COL6A1: variants seen among roughly 807,000 people sequenced by gnomAD.
The protein encoded by COL6A1 is collagen alpha-1(VI) chain.
A neutral mutation model predicts 145.6 loss-of-function variants in COL6A1; 80 were observed. The observed-to-expected ratio is 0.55, with a 90% CI of 0.46 to 0.66. The LOEUF is 0.66. Ranked by LOEUF, COL6A1 falls within the 30% of genes least tolerant of loss-of-function variation. COL6A1 has a pLI of 0.00. For missense variants in COL6A1, 1,364 were observed against 1,473.8 expected, an observed-to-expected ratio of 0.93 and a Z score of 1.22; for synonymous variants, 638 against 622.8, an observed-to-expected ratio of 1.02 and a Z score of -0.36.
At chr21:45,989,831 C>T in intron 11 of COL6A1, 53 bp downstream of exon 11, 2 of 1,610,508 alleles carry the variant, frequency 1.2e-6, no homozygotes, top group Non-Finnish European at 1.7e-6. Flanking sequence ...ATGTGCCATC[C>T]TGGACGAGGG....
Position 46,002,657 on chromosome 21 carries a change from C to T in COL6A1, c.2381C>T (p.Ala794Val), listed in dbSNP as rs2077854094. The part of the protein sequence containing the change: ...PGLSLVKENY[A>V]ELLEDAFLKN... ...CTCTCGCTGGTCAAGGAGAACTATGCAGAGCTGCTGGAGGATGCCTTCCTG... is the reference window on the plus strand; with the variant it reads ...CTCTCGCTGGTCAAGGAGAACTATGTAGAGCTGCTGGAGGATGCCTTCCTG... The change falls in exon 33 of 35, where the codon GCA becomes GTA. Residue 794 changes from alanine (A) to valine (V), a missense_variant. Ala to Val is a moderately conservative substitution (Grantham distance 64). Around this residue, in one of 3 missense-constraint regions of COL6A1, gnomAD observed 938 missense variants for 1,003.8 expected, o/e 0.93. Coordinates refer to ENST00000361866, the MANE Select transcript of COL6A1 (RefSeq NM_001848.3). 6.2e-7 allele frequency: 1 copy of T among 1,613,806 alleles called. No homozygotes were observed. Among genetic ancestry groups the T allele is most frequent in the Admixed American group, 1.7e-5 (1 of 60,014 alleles).
intron 22 of COL6A1, 138 bp from the exon 23 acceptor site, chr21:45,997,983 A>G: frequency 8.3e-7 from 1 of 1,200,754 alleles, no homozygotes; most frequent in Non-Finnish European, 1.2e-6. Context: ...GGGGACCAGC[A>G]GGGTGGCCCC....
At chr21:45,987,573 T>G (rs1251180551) in intron 7 of COL6A1, 37 bp from the exon 8 acceptor site, 1 of 1,612,562 alleles carries the variant, frequency 6.2e-7, no homozygotes, top group Admixed American at 1.7e-5. Flanking sequence ...GGAACCTGAG[T>G]CTGGGGTCCT....
At position 45,994,418 on chromosome 21, in the gene COL6A1, G is replaced by A. The variant is rs1340859421; in HGVS notation, c.1398+189G>A. On this transcript the variant is annotated intron_variant, in intron 20 of 34. Coordinates refer to ENST00000361866, the MANE Select transcript of COL6A1 (RefSeq NM_001848.3). This position sits in a 1 kb window ranked among gnomAD's most constrained non-coding sequence, Gnocchi z 6.8. ...GAGGCGCGGCCTGGGCCGGGCTGGT[G>A]TGGATTGTTGAGAGCAGGCCCAGCG... is the stretch of plus-strand genomic sequence containing the variant. Among the ~76,000 whole-genome samples, 1 of 152,134 alleles carries A rather than the reference G, an allele frequency of 6.6e-6. No individual in the cohort carries two copies. Among genetic ancestry groups the A allele is most frequent in the Non-Finnish European group, 1.5e-5 (1 of 68,006 alleles).
At chr21:45,998,210 AG>A (rs1043798804) in intron 23 of COL6A1, 39 bp downstream of exon 23, 1 of 1,607,086 alleles carries the variant, frequency 6.2e-7, no homozygotes, top group African/African-American at 1.3e-5. Context: ...AACATGCCCA[AG>A]CTGCCTGCGG....
chr21:46,001,122 G>A, intron 29 of COL6A1, 131 bp from the exon 30 acceptor site: 3 of 1,309,800 alleles, frequency 2.3e-6, no homozygotes, highest in South Asian at 1.4e-5. Context: ...GCTTTTCTGG[G>A]GCTGAGACGG....
At chr21:45,999,798 G>C in intron 27 of COL6A1, 106 bp downstream of exon 27, 1 of 937,330 alleles carries the variant, frequency 1.1e-6, no homozygotes, top group East Asian at 3.3e-5. Context: ...CTCACGGGGG[G>C]GTGGGTTGTG....
At position 46,000,739 on chromosome 21, in the gene COL6A1, AC is replaced by A. The variant is rs1340597175; in HGVS notation, c.1814-19del. On this transcript the variant is annotated intron_variant, in intron 28 of 34. Coordinates refer to ENST00000361866, the MANE Select transcript of COL6A1 (RefSeq NM_001848.3). Reference sequence around the variant, plus strand: ...GACGCGGCCCTGACTGGTCTAACTGACTCTTTCTCTTCTCCTCAGCTTGCTG... The same window carrying A: ...GACGCGGCCCTGACTGGTCTAACTGATCTTTCTCTTCTCCTCAGCTTGCTG... 1 of 1,613,328 alleles carries A rather than the reference AC, an allele frequency of 6.2e-7. No homozygotes were observed. The highest frequency in any genetic ancestry group is 2.2e-5 in the East Asian group (1 of 44,844).
At chr21:45,984,800 A>G (rs2077728526) in intron 3 of COL6A1, among the ~76,000 whole-genome samples, 1 of 152,104 alleles carries the variant, frequency 6.6e-6, no homozygotes, top group Non-Finnish European at 1.5e-5. Context: ...ACACAGAGAG[A>G]GACACAGAGA....
At chr21:45,990,318 C>T (rs1328384558) in intron 12 of COL6A1, 34 bp downstream of exon 12, 1 of 1,612,684 alleles carries the variant, frequency 6.2e-7, no homozygotes, top group African/African-American at 1.3e-5. Flanking sequence ...GGGAGTTCTG[C>T]CCCCACGGCA....
chr21:45,984,155 C>T (rs987228833), intron 2 of COL6A1, 114 bp from the exon 3 acceptor site: 31 of 1,074,128 alleles, frequency 2.9e-5, no homozygotes, highest in Non-Finnish European at 4.0e-5. Flanking sequence ...AGCTGTGTGT[C>T]AGCCACGGCC....
Position 45,989,729 on chromosome 21 carries a change from CTCT to C in COL6A1, c.904-17_904-15del. ...ACAGCACTAACAAGCCTTCCTCTTCCTCTTCTTCCGCTGGGTGTGTAGGGAGAA... is the reference window on the plus strand; with the variant it reads ...ACAGCACTAACAAGCCTTCCTCTTCCTCTTCCGCTGGGTGTGTAGGGAGAA... On this transcript the variant is annotated intron_variant, in intron 10 of 34. Coordinates refer to ENST00000361866, the MANE Select transcript of COL6A1 (RefSeq NM_001848.3). 1.9e-6 allele frequency: 3 copies of C among 1,613,064 alleles called. No individual in the cohort carries two copies. The East Asian group carries it at 6.7e-5, about 36-fold the overall frequency.
rs1022161779 is a variant in COL6A1, at chr21:45,999,524, G to C, written c.1741-133G>C. 6.5e-5 allele frequency: 65 copies of C among 997,170 alleles called. 1 individual carries two copies. Among genetic ancestry groups the C allele is most frequent in the Non-Finnish European group, 9.8e-5 (64 of 651,964 alleles). The allele number at this position is 997,170 out of a possible 1,614,324, so 61.8% of individuals were successfully genotyped here. On this transcript the variant is annotated intron_variant, in intron 26 of 34. Coordinates refer to ENST00000361866, the MANE Select transcript of COL6A1 (RefSeq NM_001848.3). ...CACAGCACCGTCACTGGAGGACGAG[G>C]GGCTGGGTAGGGAGGGACCGGGCAG...
rs1482290883 is a variant in COL6A1 at position 46,002,912 on chromosome 21, CA to C, written c.2434+203del. Reference sequence around the variant, plus strand: ...CAGGGCTGTCCCAGAGGCCTCCTCCCAGCTCACTGTTACCTCCAGGGGCACG... The same window carrying C: ...CAGGGCTGTCCCAGAGGCCTCCTCCCGCTCACTGTTACCTCCAGGGGCACG... On this transcript the variant is annotated intron_variant, in intron 33 of 34. Coordinates refer to ENST00000361866, the MANE Select transcript of COL6A1 (RefSeq NM_001848.3). Among the ~76,000 whole-genome samples, 5 of 150,594 alleles carry C rather than the reference CA, an allele frequency of 3.3e-5. No individual in the cohort carries two copies. The East Asian group carries it at 9.8e-4, about 30-fold the overall frequency.
intron 29 of COL6A1, 101 bp from the exon 30 acceptor site, chr21:46,001,152 G>C: frequency 6.7e-7 from 1 of 1,502,648 alleles, no homozygotes; most frequent in Non-Finnish European, 9.0e-7. Flanking sequence ...AACGTGTCAG[G>C]TGAGGATGTG....
rs2077873057 is a variant in COL6A1 at position 46,004,988 on chromosome 21, G to A, written c.*975G>A. The A allele has an allele frequency of 6.5e-6, 1 of 153,426 alleles. No individual in the cohort carries two copies. Among genetic ancestry groups the A allele is most frequent in the Admixed American group, 6.5e-5 (1 of 15,318 alleles). The allele number at this position is 153,426 out of a possible 1,614,324, so 9.5% of individuals were successfully genotyped here. On this transcript the variant is annotated 3_prime_UTR_variant, in exon 35 of 35. Transcript: ENST00000361866. ...TGTTCATGTTAGTTTTGCTCCTTCT[G>A]TGTTTTTTTCTGAACCATATCCATG...
chr21:45,994,172 A>G lies in COL6A1; in HGVS notation c.1341A>G (p.Glu447=). The change falls in exon 20 of 35, where the codon GAA becomes GAG. Residue 447 remains glutamate, a synonymous_variant. Coordinates refer to ENST00000361866, the MANE Select transcript of COL6A1 (RefSeq NM_001848.3). The surrounding 1 kb of genome is among the most constrained non-coding windows in gnomAD (Gnocchi z 6.8). ...GTRGPRGDPG[E]AGPQGDQGRE... ...CACGGCTCGTTTCTCTTCAGGGTGA[A>G]GCTGGCCCGCAGGGTGATCAGGGAA... is the stretch of plus-strand genomic sequence containing the variant. The G allele has an allele frequency of 1.2e-6, 2 of 1,602,012 alleles. No homozygotes were observed. The highest frequency in any genetic ancestry group is 1.7e-6 in the Non-Finnish European group (2 of 1,175,508).
Position 45,998,111 on chromosome 21 carries a change from G to C in COL6A1, c.1525-10G>C. Reference sequence around the variant, plus strand: ...CGATTCGCACGGTGACGGCTACTCTGCTCCCCCAGGGAGAAGACGGCCCCG... The same window carrying C: ...CGATTCGCACGGTGACGGCTACTCTCCTCCCCCAGGGAGAAGACGGCCCCG... On this transcript the variant is annotated splice_polypyrimidine_tract_variant and intron_variant, in intron 22 of 34. Coordinates refer to ENST00000361866, the MANE Select transcript of COL6A1 (RefSeq NM_001848.3). 2 of 1,611,760 alleles carry C rather than the reference G, an allele frequency of 1.2e-6. No individual in the cohort carries two copies. The highest frequency in any genetic ancestry group is 1.7e-6 in the Non-Finnish European group (2 of 1,179,576).
At chr21:45,997,360 C>T in intron 20 of COL6A1, 61 bp from the exon 21 acceptor site, 1 of 1,510,670 alleles carries the variant, frequency 6.6e-7, no homozygotes. Context: ...AGCTTAGGGT[C>T]AGGGAGGGCT....
Sources: gnomAD v4.1 joint callset for allele counts (sites outside exome capture counted in the v4.1 genomes callset) on GRCh38, gnomAD v4.1.1 for gene constraint, gnomAD v4.1.1 regional missense constraint, Gnocchi (gnomAD v3.1) non-coding constraint, MANE v1.5 for transcripts, NCBI Gene and HGNC (gene_info 2026-07-23, HGNC 2026-07-21) for gene names.